PGCKA1: variants seen among roughly 807,000 people sequenced by gnomAD.
The protein encoded by PGCKA1 is PDCD10 and GCKIII kinases-associated protein 1.
At chr4:37,511,458 G>T in the PGCKA1 span, among the ~76,000 whole-genome samples, 1 of 152,112 alleles carries the variant, frequency 6.6e-6, no homozygotes, top group African/African-American at 2.4e-5. Flanking sequence ...CAAGGTAGTA[G>T]GTTCCTTTCT....
the PGCKA1 span, among the ~76,000 whole-genome samples, chr4:37,520,686 C>T: frequency 6.6e-5 from 10 of 152,042 alleles, no homozygotes; most frequent in Non-Finnish European, 1.0e-4. Flanking sequence ...GGCCTGATCT[C>T]GGCTCACTGC....
chr4:37,463,538 C>T, the PGCKA1 span, among the ~76,000 whole-genome samples: 2 of 152,156 alleles, frequency 1.3e-5, no homozygotes. Context: ...GAGGCCCCAC[C>T]AAGCCTGATC....
chr4:37,570,146 A>ATTTTTTTTTTTTTTTTTTTT, the PGCKA1 span, among the ~76,000 whole-genome samples: 2 of 78,952 alleles, frequency 2.5e-5, no homozygotes, highest in Admixed American at 1.8e-4. Flanking sequence ...CGCCTGGCTA[A>ATTTTTTTTTTTTTTTTTTTT]TTTTTTTTTT....
chr4:37,520,990 T>G, the PGCKA1 span, among the ~76,000 whole-genome samples: 1 of 152,212 alleles, frequency 6.6e-6, no homozygotes, highest in Non-Finnish European at 1.5e-5. Flanking sequence ...TTTGCAAATT[T>G]TGTTTAACTT....
the PGCKA1 span, among the ~76,000 whole-genome samples, chr4:37,592,965 G>A: frequency 1.3e-5 from 2 of 152,164 alleles, no homozygotes; most frequent in Non-Finnish European, 2.9e-5. Context: ...TGATTTCTGA[G>A]CCTTCCAGCA....
At chr4:37,538,375 A>G in the PGCKA1 span, among the ~76,000 whole-genome samples, 2 of 152,238 alleles carry the variant, frequency 1.3e-5, no homozygotes, top group African/African-American at 2.4e-5. Flanking sequence ...TAAGGACTTT[A>G]TAACTAGAAA....
the PGCKA1 span, among the ~76,000 whole-genome samples, chr4:37,569,729 G>A: frequency 6.6e-6 from 1 of 152,200 alleles, no homozygotes; most frequent in African/African-American, 2.4e-5. Context: ...AAATAATCGG[G>A]TTAAACAGAG....
the PGCKA1 span, chr4:37,460,873 CA>C: frequency 2.5e-6 from 1 of 397,476 alleles, no homozygotes; most frequent in African/African-American, 2.2e-5. Flanking sequence ...GTTTTTGTTG[CA>C]ATTATTTTTG....
the PGCKA1 span, among the ~76,000 whole-genome samples, chr4:37,569,155 C>T: frequency 6.3e-4 from 96 of 151,930 alleles, 1 homozygote; most frequent in East Asian, 9.5e-3. Flanking sequence ...TTGGTGATGG[C>T]GTTATGGCTA....
At chr4:37,529,449 A>G in the PGCKA1 span, among the ~76,000 whole-genome samples, 1 of 152,186 alleles carries the variant, frequency 6.6e-6, no homozygotes, top group Non-Finnish European at 1.5e-5. Flanking sequence ...CAGTGGCTCT[A>G]TTATCCCACC....
At chr4:37,460,603 T>TA in the PGCKA1 span, 1 of 452,696 alleles carries the variant, frequency 2.2e-6, no homozygotes, top group Non-Finnish European at 4.4e-6. Flanking sequence ...GAGCTTTTTT[T>TA]ATATGTTTGT....
At chr4:37,461,836 T>TG in the PGCKA1 span, among the ~76,000 whole-genome samples, 1 of 151,838 alleles carries the variant, frequency 6.6e-6, no homozygotes, top group Non-Finnish European at 1.5e-5. Context: ...AAGGAAAAGA[T>TG]GGAGGAAATA....
the PGCKA1 span, among the ~76,000 whole-genome samples, chr4:37,510,731 C>T: frequency 6.6e-6 from 1 of 151,918 alleles, no homozygotes; most frequent in African/African-American, 2.4e-5. Flanking sequence ...TGCTCAAGGC[C>T]TTAGGGCTCT....
At chr4:37,489,065 G>A in the PGCKA1 span, among the ~76,000 whole-genome samples, 4 of 152,226 alleles carry the variant, frequency 2.6e-5, no homozygotes, top group South Asian at 6.2e-4. Flanking sequence ...TTTGGTATAC[G>A]CAGAGGTCCT....
At chr4:37,578,925 G>T in the PGCKA1 span, among the ~76,000 whole-genome samples, 2 of 152,062 alleles carry the variant, frequency 1.3e-5, no homozygotes, top group Non-Finnish European at 2.9e-5. Context: ...AGGCATGGTG[G>T]TGCACACCTG....
chr4:37,591,187 AC>A, the PGCKA1 span: 4 of 568,846 alleles, frequency 7.0e-6, no homozygotes, highest in Non-Finnish European at 1.2e-5. Context: ...CTGGAGTTTC[AC>A]TCTGTGTAGA....
chr4:37,515,990 A>T, the PGCKA1 span, among the ~76,000 whole-genome samples: 1 of 149,566 alleles, frequency 6.7e-6, no homozygotes, highest in African/African-American at 2.6e-5. Flanking sequence ...ACTTTTTTTT[A>T]TATATAAAAT....
At chr4:37,529,785 G>T in the PGCKA1 span, among the ~76,000 whole-genome samples, 1 of 152,268 alleles carries the variant, frequency 6.6e-6, no homozygotes, top group East Asian at 1.9e-4. Context: ...GATTTAAAAG[G>T]ATGGAAGAAA....
chr4:37,557,378 C>T, the PGCKA1 span, among the ~76,000 whole-genome samples: 1 of 152,148 alleles, frequency 6.6e-6, no homozygotes, highest in East Asian at 1.9e-4. Flanking sequence ...TTAGTCCATT[C>T]AGACTGCTAT....
Sources: gnomAD v4.1 joint callset for allele counts (sites outside exome capture counted in the v4.1 genomes callset) on GRCh38, gnomAD v4.1.1 for gene constraint, MANE v1.5 for transcripts, NCBI Gene and HGNC (gene_info 2026-07-23, HGNC 2026-07-21) for gene names.